Variants in LINGO2 observed in about 807,000 individuals in gnomAD.
LINGO2 encodes the protein leucine rich repeat and Ig domain containing 2, also known as leucine-rich repeat and immunoglobulin-like domain-containing nogo receptor-interacting protein 2.
A neutral mutation model predicts 30.6 loss-of-function variants in LINGO2; 14 were observed. The ratio of observed to expected loss-of-function variants is 0.46; its 90% confidence interval spans 0.30 to 0.72. The LOEUF (loss-of-function observed/expected upper bound fraction) is 0.72. LINGO2 is among the 30% of genes least tolerant of loss of function. LINGO2 has a pLI of 0.07. For synonymous variants in LINGO2, 317 were observed against 288.5 expected (o/e 1.10, Z -1.00); for missense variants, 729 against 751.7 (o/e 0.97, Z 0.35).
At chr9:28,222,314 A>G in intron 4 of LINGO2, among the ~76,000 whole-genome samples, 1 of 152,266 alleles carries the variant, frequency 6.6e-6, no homozygotes, top group East Asian at 1.9e-4. Context: ...ATGAAAATAA[A>G]TGGCATTTTC....
intron 4 of LINGO2, among the ~76,000 whole-genome samples, chr9:28,230,725 T>C (rs1821326529): frequency 6.6e-6 from 1 of 151,928 alleles, no homozygotes; most frequent in Non-Finnish European, 1.5e-5. Context: ...ATTTAGAGAA[T>C]TTCATCTTCC....
rs1377450015 is a variant in LINGO2 at position 28,269,434 on chromosome 9, T to A, written c.-87+25774A>T. On this transcript the variant is annotated intron_variant, in intron 4 of 5. Transcript: ENST00000379992. The stretch of plus-strand genomic sequence containing the variant: ...ACATCTCATCTTTATATAAACTAAA[T>A]CTGTTTTAATTTTCACTTAAATGTC... 2.6e-5 allele frequency among the ~76,000 whole-genome samples: 4 copies of A among 152,132 alleles called. No homozygotes were observed. In the South Asian group the frequency reaches 6.2e-4, roughly 24 times the overall value.
At chr9:28,167,139 ACCC>A (rs35331376) in intron 4 of LINGO2, among the ~76,000 whole-genome samples, 14 of 105,016 alleles carry the variant, frequency 1.3e-4, no homozygotes, top group African/African-American at 2.2e-4. Flanking sequence ...TTAATATAGC[ACCC>A]CCCCCCCCCA....
the LINGO2 span, among the ~76,000 whole-genome samples, chr9:29,154,039 T>A: frequency 6.6e-6 from 1 of 152,188 alleles, no homozygotes; most frequent in Non-Finnish European, 1.5e-5. Context: ...CAAGAGTCAC[T>A]CTGATTTGAA....
the LINGO2 span, among the ~76,000 whole-genome samples, chr9:29,134,964 G>GT: frequency 0.013 from 2,044 of 151,466 alleles, 19 homozygotes; most frequent in Non-Finnish European, 0.021. Flanking sequence ...CATCAACAGA[G>GT]TTTTTTTTAT....
chr9:28,770,097 T>C, the LINGO2 span, among the ~76,000 whole-genome samples: 5 of 152,178 alleles, frequency 3.3e-5, no homozygotes, highest in African/African-American at 1.2e-4. Context: ...TCCAGTTCTA[T>C]ATTGATTCAC....
intron 4 of LINGO2, among the ~76,000 whole-genome samples, chr9:28,111,302 T>C (rs2133361568): frequency 6.6e-6 from 1 of 152,002 alleles, no homozygotes; most frequent in Non-Finnish European, 1.5e-5. Flanking sequence ...GCCTAAACTC[T>C]AGATAATGGA....
chr9:28,281,848 C>A (rs1461763349), intron 4 of LINGO2, among the ~76,000 whole-genome samples: 2 of 152,088 alleles, frequency 1.3e-5, no homozygotes, highest in Non-Finnish European at 2.9e-5. Context: ...CAAATGCCTT[C>A]TTAGTATATT....
chr9:29,052,990 G>T, the LINGO2 span, among the ~76,000 whole-genome samples: 1 of 151,844 alleles, frequency 6.6e-6, no homozygotes, highest in East Asian at 1.9e-4. Context: ...AATTATTTCT[G>T]AAACTGTCAT....
chr9:28,363,995 G>C (rs1360485974), intron 3 of LINGO2, among the ~76,000 whole-genome samples: 1 of 150,992 alleles, frequency 6.6e-6, no homozygotes. Flanking sequence ...AAAAAAAGAT[G>C]ATGTATTTTC....
At chr9:28,066,055 A>T (rs1294706989) in intron 4 of LINGO2, among the ~76,000 whole-genome samples, 1 of 152,040 alleles carries the variant, frequency 6.6e-6, no homozygotes, top group Admixed American at 6.6e-5. Context: ...AGCACATTAG[A>T]GGGGTGTGTC....
chr9:28,499,799 T>A (rs1819810671), intron 1 of LINGO2, among the ~76,000 whole-genome samples: 1 of 152,162 alleles, frequency 6.6e-6, no homozygotes, highest in African/African-American at 2.4e-5. Flanking sequence ...GCAGAACTTC[T>A]CTCTCCTACA....
At chr9:28,560,366 C>T (rs1822982990) in intron 1 of LINGO2, among the ~76,000 whole-genome samples, 1 of 152,078 alleles carries the variant, frequency 6.6e-6, no homozygotes, top group Non-Finnish European at 1.5e-5. Context: ...TGGTCTTGAT[C>T]TTTCTGAACA....
the LINGO2 span, among the ~76,000 whole-genome samples, chr9:29,202,753 T>C: frequency 6.6e-6 from 1 of 152,048 alleles, no homozygotes; most frequent in Non-Finnish European, 1.5e-5. Context: ...GGTCAGCTAG[T>C]AATACTTTTA....
chr9:28,974,314 G>T, the LINGO2 span, among the ~76,000 whole-genome samples: 2 of 152,164 alleles, frequency 1.3e-5, no homozygotes, highest in African/African-American at 4.8e-5. Context: ...GCTGAGGCAG[G>T]AGAATTGCCT....
At chr9:29,145,088 A>G in the LINGO2 span, among the ~76,000 whole-genome samples, 1 of 152,078 alleles carries the variant, frequency 6.6e-6, no homozygotes, top group African/African-American at 2.4e-5. Context: ...TATTTCTTTA[A>G]TTTTACAGGT....
At chr9:28,492,076 A>G (rs1826416180) in intron 1 of LINGO2, among the ~76,000 whole-genome samples, 1 of 152,244 alleles carries the variant, frequency 6.6e-6, no homozygotes, top group Non-Finnish European at 1.5e-5. Flanking sequence ...AGTGTTGCCA[A>G]TAACATTCAA....
chr9:29,004,756 A>G, the LINGO2 span, among the ~76,000 whole-genome samples: 2 of 151,952 alleles, frequency 1.3e-5, no homozygotes, highest in African/African-American at 4.8e-5. Context: ...ATTCACATCT[A>G]CGCAGACACA....
intron 2 of LINGO2, among the ~76,000 whole-genome samples, chr9:28,409,279 A>G (rs1335094707): frequency 6.6e-6 from 1 of 152,150 alleles, no homozygotes; most frequent in Non-Finnish European, 1.5e-5. Flanking sequence ...CATAGAGTTC[A>G]GCCATCTCAT....
Sources: gnomAD v4.1 joint callset for allele counts (sites outside exome capture counted in the v4.1 genomes callset) on GRCh38, gnomAD v4.1.1 for gene constraint, MANE v1.5 for transcripts, NCBI Gene and HGNC (gene_info 2026-07-23, HGNC 2026-07-21) for gene names.